The following GLI3 variants were observed in gnomAD, a reference collection of about 807,000 sequenced individuals.
The protein encoded by GLI3 is transcription activator GLI3.
Under a neutral mutation model 100.8 loss-of-function variants are expected in GLI3, and 20 were observed. The observed-to-expected ratio is 0.20, with a 90% CI of 0.14 to 0.29. GLI3 has a LOEUF of 0.29. Among genes scored for constraint, GLI3 ranks in the 10% least tolerant of loss-of-function variants. GLI3 has a pLI of 1.00. For missense variants in GLI3, 2,040 were observed against 2,128.5 expected, an observed-to-expected ratio of 0.96 and a Z score of 0.82; for synonymous variants, 938 against 860.5, an observed-to-expected ratio of 1.09 and a Z score of -1.58.
intron 3 of GLI3, among the ~76,000 whole-genome samples, chr7:42,141,306 T>A (rs1786561983): frequency 6.6e-6 from 1 of 152,184 alleles, no homozygotes; most frequent in Admixed American, 6.5e-5. Flanking sequence ...CCTGTGTTAA[T>A]CTTACAGTAC....
At chr7:42,075,125 C>A (rs969974911) in intron 4 of GLI3, among the ~76,000 whole-genome samples, 1 of 152,080 alleles carries the variant, frequency 6.6e-6, no homozygotes, top group African/African-American at 2.4e-5. Context: ...GCCATAGAAC[C>A]AAGACTTGGG....
chr7:42,058,372 T>G (rs756488283), intron 4 of GLI3, among the ~76,000 whole-genome samples: 6 of 152,200 alleles, frequency 3.9e-5, no homozygotes, highest in Non-Finnish European at 8.8e-5. Context: ...ATGTGTACAT[T>G]TTGTGCAACT....
chr7:42,073,190 T>C (rs746548411), intron 4 of GLI3, among the ~76,000 whole-genome samples: 7 of 152,198 alleles, frequency 4.6e-5, no homozygotes, highest in African/African-American at 1.2e-4. Flanking sequence ...CAATAAATTA[T>C]AAATTATTTC....
intron 12 of GLI3, among the ~76,000 whole-genome samples, chr7:41,977,246 G>A (rs1335537375): frequency 3.3e-5 from 5 of 152,214 alleles, no homozygotes; most frequent in East Asian, 1.9e-4. Context: ...TTTGGGCAGC[G>A]TGACTGGCTC....
chr7:41,980,826 C>A, intron 10 of GLI3, among the ~76,000 whole-genome samples: 1 of 152,160 alleles, frequency 6.6e-6, no homozygotes, highest in South Asian at 2.1e-4. Flanking sequence ...TCACACCAGG[C>A]CCTGTGCTGG....
At chr7:42,005,553 A>T (rs866977301) in intron 10 of GLI3, among the ~76,000 whole-genome samples, 3 of 151,434 alleles carry the variant, frequency 2.0e-5, no homozygotes, top group African/African-American at 7.3e-5. Flanking sequence ...CATTGAGTGA[A>T]CACGGTGCTG....
At position 42,040,204 on chromosome 7, in the gene GLI3, G is replaced by T; in HGVS notation, c.862C>A (p.Pro288Thr). The change falls in exon 7 of 15, where the codon CCG becomes ACG. Residue 288 changes from proline to threonine, a missense_variant. Transcript: ENST00000395925. ...ATGGACAGTGTACGTTTTCGGCTCG[G>T]CCTGGCTGACAGCCTGGGGCTGGAG... is the stretch of plus-strand genomic sequence containing the variant. ...RFSSPRLSARPSRKRTLSISP... is the reference protein window; with the variant it reads ...RFSSPRLSARTSRKRTLSISP... 1 of 1,613,926 alleles carries T rather than the reference G, an allele frequency of 6.2e-7. No individual in the cohort carries two copies. The highest frequency in any genetic ancestry group is 8.5e-7 in the Non-Finnish European group (1 of 1,179,838).
intron 2 of GLI3, among the ~76,000 whole-genome samples, chr7:42,170,617 T>C (rs7784601): frequency 0.023 from 3,554 of 152,020 alleles, 134 homozygotes; most frequent in African/African-American, 0.081. Context: ...TTAGCCAGGA[T>C]GGTCTCGACC....
At chr7:42,248,647 G>A (rs1163782393) in intron 1 of GLI3, among the ~76,000 whole-genome samples, 2 of 152,090 alleles carry the variant, frequency 1.3e-5, no homozygotes, top group Non-Finnish European at 2.9e-5. Flanking sequence ...GATAAGAAAA[G>A]GGTGAGGATA....
chr7:42,049,073 A>T (rs1784302939), intron 4 of GLI3, among the ~76,000 whole-genome samples: 1 of 152,216 alleles, frequency 6.6e-6, no homozygotes, highest in African/African-American at 2.4e-5. Flanking sequence ...TACCATTTAA[A>T]ACTTACCTCT....
In GLI3 at chr7:42,218,882, G is replaced by A. The variant is rs186392588; in HGVS notation, c.124+4248C>T. On this transcript the variant is annotated intron_variant, in intron 2 of 14. Coordinates refer to ENST00000395925, the MANE Select transcript of GLI3 (RefSeq NM_000168.6). Reference sequence around the variant, plus strand: ...GAGTTGCAGATTAATAAGAACTATCGAATTACTCCTTTAAAACGAAATCAT... The same window carrying A: ...GAGTTGCAGATTAATAAGAACTATCAAATTACTCCTTTAAAACGAAATCAT... Among the ~76,000 whole-genome samples, 1,090 of 151,990 alleles carry A rather than the reference G, an allele frequency of 7.2e-3. 7 individuals are homozygous for A. Among genetic ancestry groups the A allele is most frequent in the Admixed American group, 9.3e-3 (142 of 15,270 alleles).
chr7:42,005,796 C>T (rs1251307627), intron 10 of GLI3, among the ~76,000 whole-genome samples: 3 of 152,122 alleles, frequency 2.0e-5, no homozygotes, highest in South Asian at 2.1e-4. Flanking sequence ...TTGTTCCTCT[C>T]GAGTTCTAAA....
intron 1 of GLI3, among the ~76,000 whole-genome samples, chr7:42,243,553 C>T (rs1296641795): frequency 6.6e-6 from 1 of 152,174 alleles, no homozygotes; most frequent in East Asian, 1.9e-4. Flanking sequence ...TCAGTTTGCC[C>T]ATCTGTGAAT....
intron 3 of GLI3, among the ~76,000 whole-genome samples, chr7:42,119,987 C>G (rs1785956415): frequency 6.6e-6 from 1 of 152,150 alleles, no homozygotes; most frequent in Non-Finnish European, 1.5e-5. Flanking sequence ...CGCCCTGGAC[C>G]CTCGCACTTA....
At chr7:42,261,224 A>C (rs1385199734) in intron 1 of GLI3, among the ~76,000 whole-genome samples, 1 of 69,384 alleles carries the variant, frequency 1.4e-5, no homozygotes, top group Non-Finnish European at 3.9e-5. Flanking sequence ...CACACACACA[A>C]CACACACACA....
At chr7:42,173,852 T>C (rs1787425910) in intron 2 of GLI3, among the ~76,000 whole-genome samples, 1 of 152,212 alleles carries the variant, frequency 6.6e-6, no homozygotes, top group South Asian at 2.1e-4. Context: ...TATCAGCCCC[T>C]TACCAGTTTA....
rs35448119 is a variant in GLI3 at position 41,965,299 on chromosome 7, G to T, written c.3774C>A (p.Leu1258=). 1 of 1,613,882 alleles carries T rather than the reference G, an allele frequency of 6.2e-7. No individual in the cohort carries two copies. The highest frequency in any genetic ancestry group is 1.3e-5 in the African/African-American group (1 of 75,060). Residue 1258 remains leucine (L), a synonymous_variant, in exon 15 of 15, where the codon CTC becomes CTA. Transcript: ENST00000395925. ...CACCAGGGGCCACTGGCTGCCTGTT[G>T]AGACAGTTCCCATACTGCGGGGCCT... ...PCKAPQYGNC[L]NRQPVAPGAL... is the part of the protein sequence containing the mutation.
intron 10 of GLI3, among the ~76,000 whole-genome samples, chr7:42,019,238 T>A (rs1284902677): frequency 6.6e-6 from 1 of 152,192 alleles, no homozygotes; most frequent in African/African-American, 2.4e-5. Context: ...AAGTTCTTTA[T>A]GTTTATTCCT....
rs1274490599 is a variant in GLI3, at chr7:42,218,557, C to CA, written c.124+4572dup. On this transcript the variant is annotated intron_variant, in intron 2 of 14. Coordinates refer to ENST00000395925, the MANE Select transcript of GLI3 (RefSeq NM_000168.6). ...GCCAAGAAGTGACCAAAAGTTAAAG[C>CA]AAAAAAAAAAGCAACTCCTTAGGAA... is the stretch of plus-strand genomic sequence containing the variant. Among the ~76,000 whole-genome samples the CA allele has an allele frequency of 1.2e-3, 164 of 141,570 alleles. 2 individuals are homozygous for CA. The highest frequency in any genetic ancestry group is 7.1e-3 in the South Asian group (29 of 4,090). The allele number at this position is 141,570 out of a possible 152,430, so 92.9% of individuals were successfully genotyped here.
Sources: gnomAD v4.1 joint callset for allele counts (sites outside exome capture counted in the v4.1 genomes callset) on GRCh38, gnomAD v4.1.1 for gene constraint, MANE v1.5 for transcripts, NCBI Gene and HGNC (gene_info 2026-07-23, HGNC 2026-07-21) for gene names.